Variants in GPR137B observed in about 807,000 individuals in gnomAD.
The protein encoded by GPR137B is integral membrane protein GPR137B.
GPR137B carries 42 observed loss-of-function variants against 42.5 expected under a neutral mutation model. The observed-to-expected ratio is 0.99, with a 90% CI of 0.77 to 1.28. GPR137B has a LOEUF of 1.28. Ranked by LOEUF, GPR137B falls within the 50% of genes most tolerant of loss-of-function variation. The probability of loss-of-function intolerance (pLI) is 0.00; values close to 1 mark genes in which losing one functional copy is unlikely to be tolerated. For synonymous variants in GPR137B, 218 were observed against 209.7 expected (o/e 1.04, Z -0.34); for missense variants, 487 against 493.9 (o/e 0.99, Z 0.13).
chr1:236,186,745 C>T (rs1472875884), intron 5 of GPR137B, among the ~76,000 whole-genome samples: 1 of 152,064 alleles, frequency 6.6e-6, no homozygotes, highest in Non-Finnish European at 1.5e-5. Flanking sequence ...CATTGATGGA[C>T]ATTTGGGTTG....
chr1:236,168,243 A>C (rs1662422568), intron 1 of GPR137B, among the ~76,000 whole-genome samples: 1 of 152,072 alleles, frequency 6.6e-6, no homozygotes, highest in Non-Finnish European at 1.5e-5. Flanking sequence ...CCTGGCCAAC[A>C]TGGTGAAACC....
Position 236,155,361 on chromosome 1 carries a change from G to T in GPR137B, c.414+12325G>T, listed in dbSNP as rs956625101. Among the ~76,000 whole-genome samples, 2 of 152,216 alleles carry T rather than the reference G, an allele frequency of 1.3e-5. No individual in the cohort carries two copies. Among genetic ancestry groups the T allele is most frequent in the East Asian group, 3.9e-4 (2 of 5,190 alleles). On this transcript the variant is annotated intron_variant, in intron 1 of 6. Coordinates refer to ENST00000366592, the MANE Select transcript of GPR137B (RefSeq NM_003272.4). This position sits in a 1 kb window ranked among gnomAD's most constrained non-coding sequence, Gnocchi z 4.6. ...ATAGACACTGAGGCCTAGAAAGGTC[G>T]ATGGAGCTAACCAGGAACCAACAAA...
intron 4 of GPR137B, among the ~76,000 whole-genome samples, chr1:236,181,245 A>T (rs1662865557): frequency 6.6e-6 from 1 of 152,236 alleles, no homozygotes; most frequent in African/African-American, 2.4e-5. Context: ...GCAAATGAAC[A>T]AAGGTAGTGA....
At chr1:236,154,950 G>T (rs529271750) in intron 1 of GPR137B, among the ~76,000 whole-genome samples, 1 of 152,358 alleles carries the variant, frequency 6.6e-6, no homozygotes, top group East Asian at 1.9e-4. Flanking sequence ...ATTAGGGGCA[G>T]GGCCCTGGCT....
intron 2 of GPR137B, among the ~76,000 whole-genome samples, chr1:236,175,099 G>A (rs1234863313): frequency 6.6e-6 from 1 of 152,120 alleles, no homozygotes; most frequent in African/African-American, 2.4e-5. Flanking sequence ...GGCCGAGACG[G>A]GAGGATCACT....
At chr1:236,164,379 G>A (rs1268348839) in intron 1 of GPR137B, among the ~76,000 whole-genome samples, 1 of 152,142 alleles carries the variant, frequency 6.6e-6, no homozygotes, top group Non-Finnish European at 1.5e-5. Context: ...GGAGGTGCCC[G>A]TGCTGTCAAA....
intron 1 of GPR137B, among the ~76,000 whole-genome samples, chr1:236,167,589 C>T (rs1662399133): frequency 6.6e-6 from 1 of 152,182 alleles, no homozygotes; most frequent in South Asian, 2.1e-4. Flanking sequence ...TCTTCAGATG[C>T]TTGACAGATT....
At position 236,208,007 on chromosome 1, in the gene GPR137B, T is replaced by C. The variant is rs192820185; in HGVS notation, c.1092-43T>C. On this transcript the variant is annotated intron_variant, in intron 6 of 6. Transcript: ENST00000366592. ...CTAAACTAGACTATGTCATACATACTATATAATGTTTCAAGTCACTGAAAT... is the reference window on the plus strand; with the variant it reads ...CTAAACTAGACTATGTCATACATACCATATAATGTTTCAAGTCACTGAAAT... 261 of 1,398,690 alleles carry C rather than the reference T, an allele frequency of 1.9e-4. 1 individual carries two copies. The East Asian group carries it at 3.6e-3, about 19-fold the overall frequency. 86.6% of individuals were successfully genotyped at this position (1,398,690 alleles called of 1,614,324 possible). A position where few individuals can be genotyped will look rare whatever the true frequency, so the allele number is the denominator to read the frequency against.
intron 2 of GPR137B, among the ~76,000 whole-genome samples, chr1:236,173,247 C>T (rs2102906586): frequency 6.7e-6 from 1 of 148,304 alleles, no homozygotes; most frequent in East Asian, 2.0e-4. Context: ...GCTGTGATTG[C>T]ACTCCTGCTC....
At chr1:236,198,778 G>T (rs1009817184) in intron 5 of GPR137B, among the ~76,000 whole-genome samples, 1 of 152,014 alleles carries the variant, frequency 6.6e-6, no homozygotes, top group Non-Finnish European at 1.5e-5. Context: ...GTCGTTGTTG[G>T]TGATCAGTTT....
At chr1:236,204,278 T>A (rs752191981) in intron 5 of GPR137B, among the ~76,000 whole-genome samples, 2 of 152,240 alleles carry the variant, frequency 1.3e-5, no homozygotes, top group Non-Finnish European at 2.9e-5. Context: ...TGATGAATAA[T>A]CTTTCCAATG....
intron 5 of GPR137B, among the ~76,000 whole-genome samples, chr1:236,188,256 T>A (rs1663089803): frequency 6.6e-6 from 1 of 152,222 alleles, no homozygotes; most frequent in African/African-American, 2.4e-5. Flanking sequence ...TATATGATCA[T>A]GTCATCTGCA....
At chr1:236,146,287 T>C (rs546170620) in intron 1 of GPR137B, among the ~76,000 whole-genome samples, 1 of 152,250 alleles carries the variant, frequency 6.6e-6, no homozygotes, top group East Asian at 1.9e-4. Context: ...TTTGCGGCAC[T>C]GAAGGGAATG....
chr1:236,150,218 T>A lies in GPR137B; in HGVS notation c.414+7182T>A, dbSNP rs370035041. Among the ~76,000 whole-genome samples, 830 of 150,456 alleles carry A rather than the reference T, an allele frequency of 5.5e-3. 6 individuals are homozygous for A. The highest frequency in any genetic ancestry group is 0.019 in the African/African-American group (762 of 40,904). ...GTGTGCCTGTGTGTGTGTCTGTGCC[T>A]GTGTGTGCCTGTGTATGTCTGTGCC... On this transcript the variant is annotated intron_variant, in intron 1 of 6. Coordinates refer to ENST00000366592, the MANE Select transcript of GPR137B (RefSeq NM_003272.4). This position sits in a 1 kb window ranked among gnomAD's most constrained non-coding sequence, Gnocchi z 6.2.
chr1:236,203,597 G>C (rs1415664756), intron 5 of GPR137B, among the ~76,000 whole-genome samples: 1 of 152,150 alleles, frequency 6.6e-6, no homozygotes, highest in African/African-American at 2.4e-5. Flanking sequence ...TGAATCTGTA[G>C]ATTGCTTTGG....
chr1:236,185,567 CTTTTT>C (rs1662996340), intron 5 of GPR137B, among the ~76,000 whole-genome samples: 1 of 152,030 alleles, frequency 6.6e-6, no homozygotes, highest in Non-Finnish European at 1.5e-5. Flanking sequence ...TTATCCTTTT[CTTTTT>C]TGAGACAGGG....
In GPR137B at chr1:236,155,956, CA is replaced by C. The variant is rs1662011601; in HGVS notation, c.415-12747del. ...ATGCACAAACATGCACACACATACACAAACGCACACACATGCACACACACGC... is the reference window on the plus strand; with the variant it reads ...ATGCACAAACATGCACACACATACACAACGCACACACATGCACACACACGC... On this transcript the variant is annotated intron_variant, in intron 1 of 6. Coordinates refer to ENST00000366592, the MANE Select transcript of GPR137B (RefSeq NM_003272.4). The surrounding 1 kb of genome is among the most constrained non-coding windows in gnomAD (Gnocchi z 4.6). 6.6e-6 allele frequency among the ~76,000 whole-genome samples: 1 copy of C among 152,236 alleles called. No homozygotes were observed. The highest frequency in any genetic ancestry group is 2.1e-4 in the South Asian group (1 of 4,834).
chr1:236,200,063 C>A (rs2102924489), intron 5 of GPR137B, among the ~76,000 whole-genome samples: 1 of 152,058 alleles, frequency 6.6e-6, no homozygotes, highest in South Asian at 2.1e-4. Flanking sequence ...TCATTATTAT[C>A]ATTCAGTTCT....
chr1:236,174,398 C>T (rs1024223616), intron 2 of GPR137B, among the ~76,000 whole-genome samples: 5 of 152,258 alleles, frequency 3.3e-5, no homozygotes, highest in East Asian at 3.9e-4. Flanking sequence ...TTGATGAGCA[C>T]GTAGCCTGTC....
Sources: allele counts gnomAD v4.1 joint callset (sites outside exome capture counted in the v4.1 genomes callset), GRCh38; gene constraint gnomAD v4.1.1; non-coding constraint Gnocchi (gnomAD v3.1); transcripts MANE v1.5; gene names NCBI Gene and HGNC (gene_info 2026-07-23, HGNC 2026-07-21).